Variants in SLC4A4 observed in about 807,000 individuals in gnomAD.
SLC4A4 encodes electrogenic sodium bicarbonate cotransporter 1.
Under a neutral mutation model 111.5 loss-of-function variants are expected in SLC4A4, and 27 were observed. The ratio of observed to expected loss-of-function variants is 0.24; its 90% CI spans 0.18 to 0.33. The LOEUF is 0.33. Among genes scored for constraint, SLC4A4 ranks in the 10% least tolerant of loss-of-function variants. The pLI is 1.00. For synonymous variants in SLC4A4, 443 were observed against 463.4 expected, an observed-to-expected ratio of 0.96 and a Z score of 0.57; for missense variants, 909 against 1,315.5, an observed-to-expected ratio of 0.69 and a Z score of 4.78.
intron 2 of SLC4A4, among the ~76,000 whole-genome samples, chr4:71,097,269 G>A (rs1313545551): frequency 2.6e-5 from 4 of 152,148 alleles, no homozygotes; most frequent in African/African-American, 4.8e-5. Context: ...GTGAGGACAC[G>A]TGGTATTTGG....
At chr4:71,111,524 GTTTTTTTTTTTTTTT>G (rs150777420) in intron 2 of SLC4A4, among the ~76,000 whole-genome samples, 4 of 60,818 alleles carry the variant, frequency 6.6e-5, no homozygotes, top group African/African-American at 2.1e-4. Flanking sequence ...CCACGCTCAG[GTTTTTTTTTTTTTTT>G]TTTTTTTTTT....
chr4:71,510,289 C>T (rs1731796882), intron 16 of SLC4A4, among the ~76,000 whole-genome samples: 1 of 152,216 alleles, frequency 6.6e-6, no homozygotes, highest in African/African-American at 2.4e-5. Flanking sequence ...TGGGCTTTCA[C>T]ACTCCATAGG....
At chr4:71,115,582 T>C (rs1743223253) in intron 2 of SLC4A4, among the ~76,000 whole-genome samples, 1 of 152,188 alleles carries the variant, frequency 6.6e-6, no homozygotes, top group South Asian at 2.1e-4. Flanking sequence ...TTTACTCTTC[T>C]ACTGTGTTTT....
intron 16 of SLC4A4, among the ~76,000 whole-genome samples, chr4:71,498,344 A>G (rs113253051): frequency 3.3e-4 from 50 of 152,288 alleles, no homozygotes; most frequent in African/African-American, 1.2e-3. Context: ...TATTTAGTTA[A>G]TGGCATTTTG....
At chr4:71,330,802 A>G (rs1318899997) in intron 3 of SLC4A4, among the ~76,000 whole-genome samples, 1 of 152,128 alleles carries the variant, frequency 6.6e-6, no homozygotes, top group Non-Finnish European at 1.5e-5. Flanking sequence ...CAGGCAACCT[A>G]CAGAATGGGA....
intron 13 of SLC4A4, among the ~76,000 whole-genome samples, chr4:71,469,398 T>C (rs1027701404): frequency 2.0e-5 from 3 of 151,992 alleles, no homozygotes; most frequent in African/African-American, 7.2e-5. Flanking sequence ...TATTTATTTG[T>C]CAGTGGCTGC....
chr4:71,459,156 GT>G (rs1283473299), intron 12 of SLC4A4, among the ~76,000 whole-genome samples: 1 of 151,898 alleles, frequency 6.6e-6, no homozygotes, highest in Non-Finnish European at 1.5e-5. Context: ...TATTTGGTGG[GT>G]TTTTTTATTT....
intron 2 of SLC4A4, among the ~76,000 whole-genome samples, chr4:71,144,067 T>C (rs1225452997): frequency 2.0e-5 from 3 of 152,268 alleles, no homozygotes; most frequent in Non-Finnish European, 4.4e-5. Flanking sequence ...TTCCAGGGTT[T>C]TTATGGTTTT....
At chr4:71,541,116 G>A (rs531248318) in intron 18 of SLC4A4, among the ~76,000 whole-genome samples, 8 of 152,232 alleles carry the variant, frequency 5.3e-5, no homozygotes, top group Non-Finnish European at 7.4e-5. Context: ...ATTGCCAAAC[G>A]TCCCTTGGGA....
chr4:71,195,916 A>G (rs1050956786), intron 1 of SLC4A4, among the ~76,000 whole-genome samples: 11 of 152,234 alleles, frequency 7.2e-5, no homozygotes, highest in African/African-American at 2.7e-4. Context: ...TCTAATACAA[A>G]CCAGGTTTTT....
In SLC4A4 at chr4:71,321,836, GA is replaced by G. The variant is rs571999259; in HGVS notation, c.254-17528del. Among the ~76,000 whole-genome samples the G allele has an allele frequency of 2.5e-3, 383 of 152,076 alleles. 1 individual carries two copies. The highest frequency in any genetic ancestry group is 4.5e-3 in the Non-Finnish European group (305 of 67,916). On this transcript the variant is annotated intron_variant, in intron 3 of 25. Transcript: ENST00000264485. ...TTAAATTTCCACTGAGTTTTGGATG[GA>G]AAAAACTTCTAAACCATAGCACAAG...
At chr4:71,473,882 C>G (rs1302264422) in intron 14 of SLC4A4, among the ~76,000 whole-genome samples, 3 of 151,650 alleles carry the variant, frequency 2.0e-5, no homozygotes, top group Non-Finnish European at 2.9e-5. Context: ...GTGTCTCATG[C>G]CTGTAATTTT....
intron 1 of SLC4A4, among the ~76,000 whole-genome samples, chr4:71,193,221 C>T (rs768275772): frequency 6.6e-6 from 1 of 152,122 alleles, no homozygotes; most frequent in South Asian, 2.1e-4. Flanking sequence ...GTGCGGTGGC[C>T]GGATCTCGGC....
chr4:71,349,973 G>A lies in SLC4A4; in HGVS notation c.451G>A (p.Ala151Thr). ...GGAAAGATGGAGCAAGCCCCATGTGGCCACATTGTCCCTTCATAGTTTATT... is the reference window on the plus strand; with the variant it reads ...GGAAAGATGGAGCAAGCCCCATGTGACCACATTGTCCCTTCATAGTTTATT... ...GGERWSKPHV[A>T]TLSLHSLFEL... The change falls in exon 5 of 26, where the codon GCC becomes ACC. Residue 151 changes from alanine (A) to threonine (T), a missense_variant. Around this residue, in one of 7 missense-constraint regions of SLC4A4, gnomAD observed 312 missense variants for 402.0 expected, o/e 0.78. Coordinates refer to ENST00000264485, the MANE Select transcript of SLC4A4 (RefSeq NM_001098484.3). The A allele has an allele frequency of 6.2e-7, 1 of 1,614,090 alleles. No individual in the cohort carries two copies. Among genetic ancestry groups the A allele is most frequent in the South Asian group, 1.1e-5 (1 of 91,078 alleles).
chr4:71,448,145 A>T (rs1560517229), intron 9 of SLC4A4, among the ~76,000 whole-genome samples: 1 of 151,640 alleles, frequency 6.6e-6, no homozygotes, highest in Non-Finnish European at 1.5e-5. Flanking sequence ...CATGGTGAAA[A>T]CCCGTTTCTA....
intron 7 of SLC4A4, among the ~76,000 whole-genome samples, chr4:71,423,393 C>T (rs967182243): frequency 1.3e-5 from 2 of 152,140 alleles, no homozygotes; most frequent in African/African-American, 4.8e-5. Flanking sequence ...GAATCAATAT[C>T]GTGAAAATGG....
intron 16 of SLC4A4, among the ~76,000 whole-genome samples, chr4:71,529,505 G>T (rs982992369): frequency 6.6e-6 from 1 of 152,042 alleles, no homozygotes; most frequent in African/African-American, 2.4e-5. Context: ...CAGTGATGAG[G>T]TTCAGTTTGC....
intron 16 of SLC4A4, among the ~76,000 whole-genome samples, chr4:71,499,857 T>C (rs1730747263): frequency 6.6e-6 from 1 of 152,236 alleles, no homozygotes; most frequent in African/African-American, 2.4e-5. Context: ...TTCCATATCT[T>C]GGCCATTGCG....
intron 2 of SLC4A4, among the ~76,000 whole-genome samples, chr4:71,128,477 T>C (rs1332622126): frequency 2.0e-5 from 3 of 151,648 alleles, no homozygotes; most frequent in East Asian, 1.9e-4. Flanking sequence ...AGAAAAAAAA[T>C]TGGGGTATCA....
Sources: gnomAD v4.1 joint callset for allele counts (sites outside exome capture counted in the v4.1 genomes callset) on GRCh38, gnomAD v4.1.1 for gene constraint, gnomAD v4.1.1 regional missense constraint, MANE v1.5 for transcripts, NCBI Gene and HGNC (gene_info 2026-07-23, HGNC 2026-07-21) for gene names.